The following TRPM8 variants were observed in gnomAD, a reference collection of about 807,000 sequenced individuals.
The protein encoded by TRPM8 is transient receptor potential cation channel subfamily M member 8, also known as TRPM8 cationic channel.
A neutral mutation model predicts 133.7 loss-of-function variants in TRPM8; 110 were observed. The ratio of observed to expected loss-of-function variants is 0.82; its 90% CI spans 0.70 to 0.96. TRPM8 has a LOEUF of 0.96. Among genes scored for constraint, TRPM8 ranks in the 40% least tolerant of loss-of-function variants. The pLI, the probability that TRPM8 is intolerant of heterozygous loss-of-function variation, is 0.00. For synonymous variants in TRPM8, 535 were observed against 532.3 expected (o/e 1.01, Z -0.07); for missense variants, 1,291 against 1,379.5 (o/e 0.94, Z 1.02).
chr2:233,935,287 A>T (rs1163286299), intron 3 of TRPM8, among the ~76,000 whole-genome samples: 1 of 152,160 alleles, frequency 6.6e-6, no homozygotes, highest in East Asian at 1.9e-4. Flanking sequence ...TGTGCAGGGG[A>T]TCCTTGCTCC....
intron 24 of TRPM8, chr2:234,013,125 A>G: frequency 6.6e-6 from 1 of 152,188 alleles, no homozygotes; most frequent in East Asian, 1.9e-4. Flanking sequence ...TAAAAGAACA[A>G]TGCTGGCCTC....
In TRPM8 at chr2:233,926,523, A is replaced by G. The variant is rs780741581; in HGVS notation, c.-5-10A>G. 14 of 1,607,996 alleles carry G rather than the reference A, an allele frequency of 8.7e-6. 1 individual carries two copies. The highest frequency in any genetic ancestry group is 1.0e-5 in the Non-Finnish European group (12 of 1,174,542). On this transcript the variant is annotated splice_polypyrimidine_tract_variant and intron_variant, in intron 1 of 25. Transcript: ENST00000324695. ...TAACCCAAACTTATCCCCTCCAACC[A>G]TCGTCACAGAAAAGATGTCCTTTCG...
intron 15 of TRPM8, 51 bp from the exon 16 acceptor site, chr2:233,969,644 C>T (rs994608866): frequency 3.7e-6 from 4 of 1,093,562 alleles, no homozygotes; most frequent in Admixed American, 1.7e-5. Context: ...TGGCATCCTG[C>T]ATACAATTGT....
intron 3 of TRPM8, among the ~76,000 whole-genome samples, chr2:233,936,809 C>T (rs1299382486): frequency 1.3e-5 from 2 of 152,084 alleles, no homozygotes; most frequent in African/African-American, 4.8e-5. Context: ...TTGTTCTGTC[C>T]TATCAGCACA....
intron 21 of TRPM8, among the ~76,000 whole-genome samples, chr2:233,994,329 G>A (rs952582145): frequency 6.6e-6 from 1 of 152,130 alleles, no homozygotes; most frequent in Non-Finnish European, 1.5e-5. Flanking sequence ...TGGAAGAAAC[G>A]CCAGGCTGGC....
rs1691133399 is a variant in TRPM8, at chr2:233,949,956, A to G, written c.950A>G (p.Asn317Ser). The G allele has an allele frequency of 2.5e-6, 4 of 1,614,100 alleles. No individual in the cohort carries two copies. Among genetic ancestry groups the G allele is most frequent in the Non-Finnish European group, 3.4e-6 (4 of 1,180,014 alleles). Residue 317 changes from asparagine to serine, a missense_variant, in exon 9 of 26, where the codon AAT becomes AGT. By Grantham distance (46) the Asn-to-Ser change is conservative (BLOSUM62 1). This residue lies in a region of TRPM8 where 963 missense variants were observed against 968.9 expected (regional missense o/e 0.99). Coordinates refer to ENST00000324695, the MANE Select transcript of TRPM8 (RefSeq NM_024080.5). Reference protein sequence around the residue: ...GGGKETLKAINTSIKNKIPCV... With the variant: ...GGGKETLKAISTSIKNKIPCV... ...TCTGTCTCCTTCCTCCAGGCCATCA[A>G]TACCTCCATCAAAAATAAAATTCCT... is the stretch of plus-strand genomic sequence containing the variant.
chr2:233,960,704 GA>G, intron 11 of TRPM8, 71 bp from the exon 12 acceptor site: 1 of 1,291,172 alleles, frequency 7.7e-7, no homozygotes. Flanking sequence ...TACTGAGGAA[GA>G]AAAATGCCTA....
At chr2:233,992,079 C>T (rs1458704028) in intron 21 of TRPM8, among the ~76,000 whole-genome samples, 1 of 152,052 alleles carries the variant, frequency 6.6e-6, no homozygotes, top group Non-Finnish European at 1.5e-5. Flanking sequence ...TTGTTTCCAG[C>T]CACTTATGGT....
chr2:233,991,151 T>C (rs1011796301), intron 21 of TRPM8, among the ~76,000 whole-genome samples: 12 of 151,964 alleles, frequency 7.9e-5, no homozygotes, highest in Non-Finnish European at 1.5e-4. Flanking sequence ...AGGGTGGAAA[T>C]GTAGGCAGGG....
At chr2:233,923,485 A>G (rs1052160403) in intron 1 of TRPM8, among the ~76,000 whole-genome samples, 1 of 152,172 alleles carries the variant, frequency 6.6e-6, no homozygotes, top group Non-Finnish European at 1.5e-5. Context: ...GTGGAGGGAC[A>G]CAGCCCCATG....
At chr2:234,007,322 T>G (rs1283269080) in intron 23 of TRPM8, among the ~76,000 whole-genome samples, 1 of 152,176 alleles carries the variant, frequency 6.6e-6, no homozygotes, top group Non-Finnish European at 1.5e-5. Flanking sequence ...ATCTTGCAAG[T>G]GCCACACACC....
chr2:233,943,065 A>ATATTTTT, intron 6 of TRPM8: 1 of 243,098 alleles, frequency 4.1e-6, no homozygotes, highest in Non-Finnish European at 7.1e-6. Flanking sequence ...CAACTGCAGT[A>ATATTTTT]TCTTTTTTTT....
chr2:234,008,142 TGGTCACTAATAC>T, intron 24 of TRPM8, 39 bp downstream of exon 24: 1 of 1,540,528 alleles, frequency 6.5e-7, no homozygotes, highest in East Asian at 2.3e-5. Context: ...TTTTTTTTTT[TGGTCACTAATAC>T]TTTGAGCTTT....
chr2:234,008,114 G>C lies in TRPM8; in HGVS notation c.3264+11G>C, dbSNP rs760895659. The C allele has an allele frequency of 5.1e-6, 8 of 1,576,400 alleles. No homozygotes were observed. In the South Asian group the frequency reaches 9.5e-5, roughly 19 times the overall value. ...CAACTGGATACAAAGGTATGGTTCT[G>C]TTAATAGTTTGGATTTTTTTTTTTT... On this transcript the variant is annotated intron_variant, in intron 24 of 25. Transcript: ENST00000324695.
At chr2:233,954,986 G>A in intron 10 of TRPM8, 146 bp from the exon 11 acceptor site, 1 of 617,848 alleles carries the variant, frequency 1.6e-6, no homozygotes, top group Non-Finnish European at 2.9e-6. Flanking sequence ...TGAAGATAGA[G>A]TGAATGACAG....
At chr2:234,012,455 G>GT (rs1341001958) in intron 24 of TRPM8, among the ~76,000 whole-genome samples, 98 of 145,082 alleles carry the variant, frequency 6.8e-4, no homozygotes, top group African/African-American at 1.7e-3. Context: ...AGTCCTAACA[G>GT]TTTTTTTTTG....
At position 233,970,198 on chromosome 2, in the gene TRPM8, C is replaced by G; in HGVS notation, c.2139-12C>G. The G allele has an allele frequency of 6.2e-7, 1 of 1,613,610 alleles. No individual in the cohort carries two copies. Among genetic ancestry groups the G allele is most frequent in the Non-Finnish European group, 8.5e-7 (1 of 1,179,528 alleles). On this transcript the variant is annotated splice_polypyrimidine_tract_variant and intron_variant, in intron 16 of 25. Coordinates refer to ENST00000324695, the MANE Select transcript of TRPM8 (RefSeq NM_024080.5). The stretch of plus-strand genomic sequence containing the variant: ...GCAAGGATGCTGACGATGCCCTTAT[C>G]TCTGGGTCCAGGAAGAAACCTGTCG...
chr2:234,010,921 G>A (rs973223967), intron 24 of TRPM8, among the ~76,000 whole-genome samples: 1 of 152,142 alleles, frequency 6.6e-6, no homozygotes, highest in Non-Finnish European at 1.5e-5. Flanking sequence ...CCACTTCATA[G>A]GTTGCCCTTT....
chr2:233,950,062 T>C lies in TRPM8; in HGVS notation c.1056T>C (p.Ser352=), dbSNP rs1187377066. 2 of 1,614,130 alleles carry C rather than the reference T, an allele frequency of 1.2e-6. No individual in the cohort carries two copies. Among genetic ancestry groups the C allele is most frequent in the South Asian group, 2.2e-5 (2 of 91,078 alleles). The change falls in exon 9 of 26, where the codon TCT becomes TCC. Residue 352 remains serine (S), a synonymous_variant. Transcript: ENST00000324695. ...LVEVEDALTS[S]AVKEKLVRFL... ...AGGTGGAGGATGCCCTGACATCTTC[T>C]GCCGTCAAGGAGAAGCTGGTGCGCT...
Sources: allele counts gnomAD v4.1 joint callset (sites outside exome capture counted in the v4.1 genomes callset), GRCh38; gene constraint gnomAD v4.1.1; regional missense constraint gnomAD v4.1.1; transcripts MANE v1.5; gene names NCBI Gene and HGNC (gene_info 2026-07-23, HGNC 2026-07-21).